VWA5A: variants seen among roughly 807,000 people sequenced by gnomAD.
VWA5A encodes the protein von Willebrand factor A domain containing 5A, also known as von Willebrand factor A domain-containing protein 5A.
In VWA5A, 77 loss-of-function variants were observed where a neutral mutation model predicts 84.6. The ratio of observed to expected loss-of-function variants is 0.91; its 90% CI spans 0.76 to 1.10. VWA5A has a LOEUF of 1.10. VWA5A is among the 50% of genes least tolerant of loss of function. The probability of loss-of-function intolerance (pLI) is 0.00; values close to 1 mark genes in which losing one functional copy is unlikely to be tolerated. For synonymous variants in VWA5A, 334 were observed against 350.1 expected (o/e 0.95, Z 0.51); for missense variants, 973 against 963.0 (o/e 1.01, Z -0.14).
chr11:124,135,554 G>A (rs1457123187), intron 12 of VWA5A, among the ~76,000 whole-genome samples: 2 of 109,344 alleles, frequency 1.8e-5, no homozygotes, highest in Non-Finnish European at 3.5e-5. Flanking sequence ...TTTCTGAGAC[G>A]GAGTCTCGCT....
Position 124,137,247 on chromosome 11 carries a change from T to C in VWA5A, c.1858T>C (p.Leu620=), listed in dbSNP as rs76335320. Reference sequence around the variant, plus strand: ...AATTCTGTTGGGTGCTTCTGCCCCATTGAAGATAAAATGCCAATCAGGTAA... The same window carrying C: ...AATTCTGTTGGGTGCTTCTGCCCCACTGAAGATAAAATGCCAATCAGGTAA... ...RPILLGASAP[L]KIKCQSGFRK... is the part of the protein sequence containing the mutation. Residue 620 remains leucine, a synonymous_variant, in exon 15 of 19, where the codon TTG becomes CTG. Transcript: ENST00000456829. 2.2e-4 allele frequency: 355 copies of C among 1,614,026 alleles called. 1 individual carries two copies. The African/African-American group carries it at 4.3e-3, about 19-fold the overall frequency.
chr11:124,136,557 T>C lies in VWA5A; in HGVS notation c.1525-17T>C. 6.2e-7 allele frequency: 1 copy of C among 1,610,252 alleles called. No homozygotes were observed. Among genetic ancestry groups the C allele is most frequent in the Non-Finnish European group, 8.5e-7 (1 of 1,176,430 alleles). On this transcript the variant is annotated splice_polypyrimidine_tract_variant and intron_variant, in intron 13 of 18. Coordinates refer to ENST00000456829, the MANE Select transcript of VWA5A (RefSeq NM_001130142.2). ...ACATTACATGTTCCGTCATTTCTAC[T>C]CATCTCTAATTTGCAGGCAGCAGAG...
chr11:124,131,019 C>A (rs1455581759), intron 11 of VWA5A, among the ~76,000 whole-genome samples: 1 of 151,974 alleles, frequency 6.6e-6, no homozygotes, highest in African/African-American at 2.4e-5. Context: ...TGAGATAAAC[C>A]TAGCTTCCAG....
intron 7 of VWA5A, 60 bp from the exon 8 acceptor site, chr11:124,122,900 T>C (rs1333358544): frequency 2.7e-6 from 4 of 1,500,088 alleles, no homozygotes; most frequent in Admixed American, 2.0e-5. Context: ...CATTGATTCT[T>C]AGGTACTAGG....
intron 7 of VWA5A, among the ~76,000 whole-genome samples, chr11:124,120,697 T>C (rs1864918319): frequency 6.6e-6 from 1 of 152,214 alleles, no homozygotes; most frequent in South Asian, 2.1e-4. Flanking sequence ...AGCTCCATGC[T>C]CTGTCTTTGT....
chr11:124,117,040 A>G (rs138891824), intron 2 of VWA5A, among the ~76,000 whole-genome samples: 305 of 152,316 alleles, frequency 2.0e-3, no homozygotes, highest in African/African-American at 6.8e-3. Flanking sequence ...GATGTCTGTC[A>G]TCATTGATTA....
chr11:124,118,246 G>C lies in VWA5A; in HGVS notation c.304G>C (p.Gly102Arg). Reference sequence around the variant, plus strand: ...GGGCCACCAGGCCTTCTTATTGGAGGGGGACAGCAGCTCCAGGGATGTCTT... The same window carrying C: ...GGGCCACCAGGCCTTCTTATTGGAGCGGGACAGCAGCTCCAGGGATGTCTT... ...SQGHQAFLLEGDSSSRDVFSC... is the reference protein window; with the variant it reads ...SQGHQAFLLERDSSSRDVFSC... The change falls in exon 5 of 19, where the codon GGG (glycine) becomes CGG (arginine). Residue 102 changes from glycine (G) to arginine (R), a missense_variant. Gly to Arg is a moderately radical substitution (Grantham distance 125). Transcript: ENST00000456829. The C allele has an allele frequency of 6.2e-7, 1 of 1,614,180 alleles. No homozygotes were observed. Among genetic ancestry groups the C allele is most frequent in the Non-Finnish European group, 8.5e-7 (1 of 1,180,038 alleles).
chr11:124,124,399 C>T (rs995992189), intron 11 of VWA5A, 83 bp downstream of exon 11: 5 of 1,524,224 alleles, frequency 3.3e-6, no homozygotes, highest in African/African-American at 2.8e-5. Context: ...CGGTGTTGAC[C>T]TTCCTTCAAG....
At chr11:124,122,932 T>G in intron 7 of VWA5A, 28 bp from the exon 8 acceptor site, 1 of 1,592,908 alleles carries the variant, frequency 6.3e-7, no homozygotes, top group Non-Finnish European at 8.5e-7. Context: ...CCTTTTTGTC[T>G]TACAGTGGCT....
rs779100602 is a variant in VWA5A, at chr11:124,136,184, G to A, written c.1415G>A (p.Ser472Asn). The change falls in exon 13 of 19, where the codon AGC becomes AAC. Residue 472 changes from serine (S) to asparagine (N), a missense_variant. Ser to Asn is a conservative substitution (Grantham distance 46). Transcript: ENST00000456829. ...CCTGTGGTAGAGGATGTCTCTCTGA[G>A]CTGGCATTTGCCTCCTGGTCTGTCT... is the stretch of plus-strand genomic sequence containing the variant. ...LQPVVEDVSL[S>N]WHLPPGLSAK... is the part of the protein sequence containing the mutation. The A allele has an allele frequency of 1.2e-6, 2 of 1,614,168 alleles. No homozygotes were observed. The highest frequency in any genetic ancestry group is 1.7e-5 in the Admixed American group (1 of 60,030).
intron 17 of VWA5A, among the ~76,000 whole-genome samples, chr11:124,144,528 G>T (rs1487037691): frequency 6.6e-6 from 1 of 152,262 alleles, no homozygotes; most frequent in South Asian, 2.1e-4. Flanking sequence ...AGAAATGGAG[G>T]AATTGAGAAT....
chr11:124,147,102 T>C lies in VWA5A; in HGVS notation c.*1157T>C, dbSNP rs1860834993. 1 of 163,684 alleles carries C rather than the reference T, an allele frequency of 6.1e-6. No homozygotes were observed. Among genetic ancestry groups the C allele is most frequent in the South Asian group, 2.1e-4 (1 of 4,836 alleles). The allele number at this position is 163,684 out of a possible 1,614,324, so 10.1% of individuals were successfully genotyped here. On this transcript the variant is annotated 3_prime_UTR_variant, in exon 19 of 19. Transcript: ENST00000456829. ...GTCTACTCCTCCATAGATTCATTTA[T>C]TGAACTTACATTGGTTTTATTGTCC...
chr11:124,132,579 A>G (rs1865112976), intron 11 of VWA5A, among the ~76,000 whole-genome samples: 1 of 152,124 alleles, frequency 6.6e-6, no homozygotes, highest in Non-Finnish European at 1.5e-5. Context: ...TAAATTTTGT[A>G]GAATATATAG....
chr11:124,130,838 G>C (rs766735451), intron 11 of VWA5A, among the ~76,000 whole-genome samples: 1 of 152,000 alleles, frequency 6.6e-6, no homozygotes. Context: ...TGAGTGTTAC[G>C]TCTGTTCCTT....
intron 7 of VWA5A, among the ~76,000 whole-genome samples, chr11:124,121,417 G>A (rs1864930296): frequency 6.6e-6 from 1 of 152,142 alleles, no homozygotes; most frequent in Admixed American, 6.5e-5. Flanking sequence ...ATGTGGCCCA[G>A]GACAGCTTTG....
chr11:124,145,751 A>AC, intron 18 of VWA5A, 115 bp from the exon 19 acceptor site: 3 of 1,076,236 alleles, frequency 2.8e-6, no homozygotes, highest in Non-Finnish European at 3.9e-6. Flanking sequence ...AGAAAAGAAA[A>AC]AGCAGGGATA....
intron 11 of VWA5A, among the ~76,000 whole-genome samples, chr11:124,133,066 G>C (rs1055694709): frequency 6.6e-6 from 1 of 152,090 alleles, no homozygotes; most frequent in Non-Finnish European, 1.5e-5. Flanking sequence ...AGTTGTCAAA[G>C]AAAAAATTAT....
Position 124,136,775 on chromosome 11 carries a change from T to C in VWA5A, c.1625+101T>C, listed in dbSNP as rs890157801. 15 of 681,678 alleles carry C rather than the reference T, an allele frequency of 2.2e-5. No homozygotes were observed. The East Asian group carries it at 5.1e-4, about 23-fold the overall frequency. The allele number at this position is 681,678 out of a possible 1,614,324, so 42.2% of individuals were successfully genotyped here. On this transcript the variant is annotated intron_variant, in intron 14 of 18. Transcript: ENST00000456829. ...TTCCCTCCCTCCCTCCCTCCCTCCC[T>C]CCCTCCTTCCTTCCTTCTTTCCTCT...
At chr11:124,139,174 G>A (rs2137661561) in intron 15 of VWA5A, among the ~76,000 whole-genome samples, 1 of 151,186 alleles carries the variant, frequency 6.6e-6, no homozygotes, top group South Asian at 2.1e-4. Flanking sequence ...GGTTACTATA[G>A]CTTTGTAGTA....
Sources: allele counts gnomAD v4.1 joint callset (sites outside exome capture counted in the v4.1 genomes callset), GRCh38; gene constraint gnomAD v4.1.1; transcripts MANE v1.5; gene names NCBI Gene and HGNC (gene_info 2026-07-23, HGNC 2026-07-21).